The following LMBR1 variants were observed in gnomAD, a reference collection of about 807,000 sequenced individuals.
LMBR1 encodes limb development membrane protein 1, also known as limb region 1 protein homolog.
In LMBR1, 52 loss-of-function variants were observed where a neutral mutation model predicts 73.9. That is an observed-to-expected ratio of 0.70 (90% CI 0.56 to 0.89). The LOEUF is 0.89. LMBR1 is among the 40% of genes least tolerant of loss of function. The pLI is 0.00. For synonymous variants in LMBR1, 215 were observed against 209.4 expected (o/e 1.03, Z -0.23); for missense variants, 539 against 579.8 (o/e 0.93, Z 0.72).
intron 1 of LMBR1, among the ~76,000 whole-genome samples, chr7:156,852,625 A>G (rs924661118): frequency 2.0e-5 from 3 of 152,216 alleles, no homozygotes; most frequent in Admixed American, 2.0e-4. Context: ...CTTTTGCTAA[A>G]CAGGGTTGAG....
Position 156,682,585 on chromosome 7 carries a change from T to G in LMBR1, c.*1493A>C, listed in dbSNP as rs754622210. The G allele has an allele frequency of 3.3e-5, 5 of 152,176 alleles. No homozygotes were observed. Among genetic ancestry groups the G allele is most frequent in the Admixed American group, 6.5e-5 (1 of 15,288 alleles). The allele number at this position is 152,176 out of a possible 1,614,324, so 9.4% of individuals were successfully genotyped here. On this transcript the variant is annotated 3_prime_UTR_variant, in exon 17 of 17. Transcript: ENST00000353442. ...AACCAAGCTGCATTTTAGAAAGATGTGAAGCTCGGAAGGAAATGCAGACGT... is the reference window on the plus strand; with the variant it reads ...AACCAAGCTGCATTTTAGAAAGATGGGAAGCTCGGAAGGAAATGCAGACGT...
intron 1 of LMBR1, among the ~76,000 whole-genome samples, chr7:156,875,543 G>A (rs896040749): frequency 6.6e-6 from 1 of 152,174 alleles, no homozygotes; most frequent in Non-Finnish European, 1.5e-5. Flanking sequence ...CAAGATGAAG[G>A]AAAGAATGTT....
At chr7:156,692,695 C>CTAG (rs2131946276) in intron 15 of LMBR1, among the ~76,000 whole-genome samples, 1 of 152,204 alleles carries the variant, frequency 6.6e-6, no homozygotes, top group South Asian at 2.1e-4. Context: ...CAGCCATCTC[C>CTAG]CTAAGTTCAT....
At position 156,734,633 on chromosome 7, in the gene LMBR1, C is replaced by G. The variant is rs369578992; in HGVS notation, c.758-376G>C. On this transcript the variant is annotated intron_variant, in intron 9 of 16. Transcript: ENST00000353442. ...CCCAAAACCACCAGTACCACAAAAC[C>G]TATTGAAATAAGAATATTAAAAATA... Among the ~76,000 whole-genome samples, 23 of 152,142 alleles carry G rather than the reference C, an allele frequency of 1.5e-4. No homozygotes were observed. The East Asian group carries it at 1.9e-3, about 13-fold the overall frequency.
chr7:156,799,022 T>C (rs1830497368), intron 4 of LMBR1, among the ~76,000 whole-genome samples: 1 of 150,058 alleles, frequency 6.7e-6, no homozygotes, highest in South Asian at 2.1e-4. Flanking sequence ...TGAAACCCTG[T>C]CTCTAATAAA....
rs1816094987 is a variant in LMBR1 at position 156,727,933 on chromosome 7, T to TG, written c.989dup (p.Arg331LysfsTer21). ...ATTTTAAAGGATTTTACTTTACCCT[T>TG]GTTCCTTTTGGCATTGCTGTTTCAT... On this transcript the variant is annotated frameshift_variant, in exon 12 of 17. Transcript: ENST00000353442. LOFTEE classifies it high-confidence loss of function. The TG allele has an allele frequency of 6.2e-7, 1 of 1,611,070 alleles. No individual in the cohort carries two copies. Among genetic ancestry groups the TG allele is most frequent in the Non-Finnish European group, 8.5e-7 (1 of 1,177,760 alleles).
At chr7:156,788,444 G>A (rs1375319207) in intron 5 of LMBR1, among the ~76,000 whole-genome samples, 1 of 151,892 alleles carries the variant, frequency 6.6e-6, no homozygotes. Context: ...ATAGGCATTA[G>A]TTAAGCAATC....
At position 156,773,091 on chromosome 7, in the gene LMBR1, A is replaced by G. The variant is rs1015041123; in HGVS notation, c.424-9296T>C. 5.4e-4 allele frequency among the ~76,000 whole-genome samples: 82 copies of G among 152,180 alleles called. 1 individual carries two copies. Among genetic ancestry groups the G allele is most frequent in the South Asian group, 8.3e-4 (4 of 4,822 alleles). ...AACATCCAAGAATGGCCACAAAAAAATGAAACAAAATAAAATAAAATAAAA... is the reference window on the plus strand; with the variant it reads ...AACATCCAAGAATGGCCACAAAAAAGTGAAACAAAATAAAATAAAATAAAA... On this transcript the variant is annotated intron_variant, in intron 5 of 16. Transcript: ENST00000353442.
intron 15 of LMBR1, among the ~76,000 whole-genome samples, chr7:156,716,438 C>T (rs1813227162): frequency 6.6e-6 from 1 of 152,182 alleles, no homozygotes; most frequent in Admixed American, 6.5e-5. Context: ...AACTTGAAGA[C>T]AGACTAAAAT....
intron 5 of LMBR1, among the ~76,000 whole-genome samples, chr7:156,782,356 T>C (rs1369118059): frequency 6.6e-6 from 1 of 152,212 alleles, no homozygotes; most frequent in Non-Finnish European, 1.5e-5. Context: ...CTGGATCAGA[T>C]GGTAATTCCA....
In LMBR1 at chr7:156,854,394, G is replaced by A. The variant is rs572536145; in HGVS notation, c.67-17509C>T. On this transcript the variant is annotated intron_variant, in intron 1 of 16. Coordinates refer to ENST00000353442, the MANE Select transcript of LMBR1 (RefSeq NM_022458.4). ...CTTTTTTAAAGTTTTTCCTTCAGGA[G>A]TCCTACCAGATTCTCAGAGTAAAGA... 9.8e-5 allele frequency among the ~76,000 whole-genome samples: 15 copies of A among 152,286 alleles called. No individual in the cohort carries two copies. The East Asian group carries it at 2.9e-3, about 29-fold the overall frequency.
chr7:156,833,713 C>G, intron 3 of LMBR1, 40 bp downstream of exon 3: 3 of 1,500,230 alleles, frequency 2.0e-6, no homozygotes, highest in South Asian at 1.2e-5. Flanking sequence ...TTGATGACTT[C>G]AGAATCAGAA....
At chr7:156,862,061 G>A (rs1311745412) in intron 1 of LMBR1, among the ~76,000 whole-genome samples, 3 of 152,156 alleles carry the variant, frequency 2.0e-5, no homozygotes, top group Non-Finnish European at 4.4e-5. Flanking sequence ...CTCCTGGTAT[G>A]AATTTACTGT....
intron 4 of LMBR1, among the ~76,000 whole-genome samples, chr7:156,671,690 G>A (rs184840996): frequency 7.3e-4 from 111 of 152,280 alleles, no homozygotes; most frequent in Non-Finnish European, 1.2e-3. Context: ...CAGCTCATGA[G>A]CACAGTCCCC....
At chr7:156,864,995 C>CAAAA (rs1183278800) in intron 1 of LMBR1, among the ~76,000 whole-genome samples, 2 of 95,284 alleles carry the variant, frequency 2.1e-5, no homozygotes, top group Admixed American at 2.2e-4. Context: ...GACTCTGTCT[C>CAAAA]AAAAAAAAAA....
intron 15 of LMBR1, among the ~76,000 whole-genome samples, chr7:156,701,890 G>C (rs779174885): frequency 4.0e-4 from 61 of 152,268 alleles, no homozygotes; most frequent in Non-Finnish European, 7.2e-4. Context: ...TTGGTTTTCT[G>C]TTCCTGTGTT....
chr7:156,673,387 A>T (rs1803027761), downstream of LMBR1, among the ~76,000 whole-genome samples: 1 of 152,236 alleles, frequency 6.6e-6, no homozygotes, highest in African/African-American at 2.4e-5. Flanking sequence ...GAACTCTTCT[A>T]CTTTCAATAA....
chr7:156,753,683 T>C (rs148504192), intron 9 of LMBR1, among the ~76,000 whole-genome samples: 1 of 152,162 alleles, frequency 6.6e-6, no homozygotes, highest in African/African-American at 2.4e-5. Context: ...AGAGGAGTGA[T>C]GGACACAATG....
At chr7:156,686,503 T>C (rs1226515310) in intron 16 of LMBR1, among the ~76,000 whole-genome samples, 1 of 152,222 alleles carries the variant, frequency 6.6e-6, no homozygotes, top group Admixed American at 6.5e-5. Flanking sequence ...TCTTTTTCTA[T>C]GTATAAATTG....
Sources: allele counts gnomAD v4.1 joint callset (sites outside exome capture counted in the v4.1 genomes callset), GRCh38; gene constraint gnomAD v4.1.1; transcripts MANE v1.5; gene names NCBI Gene and HGNC (gene_info 2026-07-23, HGNC 2026-07-21).